The following NEB variants were observed in gnomAD, a reference collection of about 807,000 sequenced individuals.
NEB encodes the protein nemaline myopathy type 2.
NEB carries 512 observed loss-of-function variants against 952.2 expected under a neutral mutation model. The ratio of observed to expected loss-of-function variants is 0.54; its 90% CI spans 0.50 to 0.58. NEB has a LOEUF of 0.58. Ranked by LOEUF, NEB falls within the 20% of genes least tolerant of loss-of-function variation. NEB has a pLI of 0.00. For missense variants in NEB, 8,428 were observed against 9,231.1 expected (o/e 0.91, Z 3.56); for synonymous variants, 2,900 against 3,149.8 (o/e 0.92, Z 2.66).
rs2098909973 is a variant in NEB, at chr2:151,643,315, A to G, written c.7995T>C (p.Ile2665=). 6.2e-7 allele frequency: 1 copy of G among 1,613,798 alleles called. No homozygotes were observed. Among genetic ancestry groups the G allele is most frequent in the African/African-American group, 1.3e-5 (1 of 74,922 alleles). Residue 2665 remains isoleucine (I), a synonymous_variant, in exon 58 of 182, where the codon ATT becomes ATC. Coordinates refer to ENST00000397345, the MANE Select transcript of NEB (RefSeq NM_001164508.2). ...CGAGAGAACCACTAGTCATCCAGCCAATGCCTTTTAGCCACTGAAGGTCTG... is the reference window on the plus strand; with the variant it reads ...CGAGAGAACCACTAGTCATCCAGCCGATGCCTTTTAGCCACTGAAGGTCTG... ...YKSDLQWLKG[I]GWMTSGSLED...
At position 151,694,361 on chromosome 2, in the gene NEB, T is replaced by A; in HGVS notation, c.1858A>T (p.Met620Leu). 6.2e-7 allele frequency: 1 copy of A among 1,614,038 alleles called. No individual in the cohort carries two copies. The highest frequency in any genetic ancestry group is 8.5e-7 in the Non-Finnish European group (1 of 1,179,900). Residue 620 changes from methionine (M) to leucine (L), a missense_variant, in exon 20 of 182, where the codon ATG becomes TTG. Transcript: ENST00000397345. ...GVLSINDDPK[M>L]LHSLKVAKNQ... ...TTGGCCACCTTCAAGGAGTGCAGCA[T>A]CTTGGGATCGTCATTAATGCTGAGG...
chr2:151,579,080 CAAAAAA>C (rs1159995102), intron 105 of NEB, among the ~76,000 whole-genome samples: 14 of 31,688 alleles, frequency 4.4e-4, no homozygotes, highest in Non-Finnish European at 7.1e-4. Context: ...GACTCCATCT[CAAAAAA>C]AAAAAAAAAA....
intron 10 of NEB, among the ~76,000 whole-genome samples, chr2:151,715,560 G>A (rs1030154690): frequency 6.6e-6 from 1 of 152,210 alleles, no homozygotes; most frequent in Non-Finnish European, 1.5e-5. Flanking sequence ...ATAAGAAGAG[G>A]AAGAAGAGGA....
chr2:151,656,293 T>G lies in NEB; in HGVS notation c.6355A>C (p.Met2119Leu). Residue 2119 changes from methionine (M) to leucine (L), a missense_variant, in exon 49 of 182, where the codon ATG (methionine) becomes CTG (leucine). By Grantham distance (15) the Met-to-Leu change is conservative. Coordinates refer to ENST00000397345, the MANE Select transcript of NEB (RefSeq NM_001164508.2). ...TKTSYHTPAD[M>L]LSVTAAKDAQ... ...TCCTTTGCAGCCGTGACACTGAGCA[T>G]GTCGGCAGGGGTGTGGTAGCTGGTC... 6 of 1,613,730 alleles carry G rather than the reference T, an allele frequency of 3.7e-6. No individual in the cohort carries two copies. The highest frequency in any genetic ancestry group is 4.2e-6 in the Non-Finnish European group (5 of 1,179,736).
Position 151,506,972 on chromosome 2 carries a change from A to G in NEB, c.23493T>C (p.Ile7831=). The stretch of plus-strand genomic sequence containing the variant: ...TTTCTGGCGTGTCTTGAACAACTGT[A>G]ATTTTTCCTTTACTGTTTTTAAGGT... ...QCDLKNSKGK[I]TVVQDTPEIL... Residue 7831 remains isoleucine (I), a synonymous_variant, in exon 163 of 182, where the codon ATT becomes ATC. Transcript: ENST00000397345. The G allele has an allele frequency of 6.2e-7, 1 of 1,611,234 alleles. No homozygotes were observed. The highest frequency in any genetic ancestry group is 8.5e-7 in the Non-Finnish European group (1 of 1,178,196).
At position 151,656,159 on chromosome 2, in the gene NEB, C is replaced by T. The variant is rs747215131; in HGVS notation, c.6489G>A (p.Gln2163=). The change falls in exon 49 of 182, where the codon CAG becomes CAA. Residue 2163 remains glutamine, a synonymous_variant. Transcript: ENST00000397345. ...AAGTAGAAGAAAGCCTTACATCACT[C>T]TGTATGCGATTCATATTCCTGGTCA... ...IELTRNMNRI[Q]SDNEYKQDYN... 4 of 1,588,406 alleles carry T rather than the reference C, an allele frequency of 2.5e-6. No homozygotes were observed. The highest frequency in any genetic ancestry group is 2.6e-6 in the Non-Finnish European group (3 of 1,166,020).
At position 151,679,971 on chromosome 2, in the gene NEB, G is replaced by A. The variant is rs544334101; in HGVS notation, c.3094C>T (p.Pro1032Ser). 12 of 1,613,782 alleles carry A rather than the reference G, an allele frequency of 7.4e-6. No individual in the cohort carries two copies. The highest frequency in any genetic ancestry group is 1.1e-5 in the South Asian group (1 of 91,074). ...EEIIHKYNLPPDLPQFIQAKV... is the reference protein window; with the variant it reads ...EEIIHKYNLPSDLPQFIQAKV... ...GCCTGGATGAACTGGGGCAGGTCTGGTGGCAGGTTGTATTTGTGAATAATT... is the reference window on the plus strand; with the variant it reads ...GCCTGGATGAACTGGGGCAGGTCTGATGGCAGGTTGTATTTGTGAATAATT... The change falls in exon 31 of 182, where the codon CCA becomes TCA. Residue 1032 changes from proline (P) to serine (S), a missense_variant. By Grantham distance (74) the Pro-to-Ser change is moderately conservative (BLOSUM62 -1). Coordinates refer to ENST00000397345, the MANE Select transcript of NEB (RefSeq NM_001164508.2).
At chr2:151,634,725 TTTA>T (rs373866669) in intron 64 of NEB, among the ~76,000 whole-genome samples, 3 of 151,796 alleles carry the variant, frequency 2.0e-5, no homozygotes, top group Non-Finnish European at 4.4e-5. Context: ...CCGAGGAGAA[TTTA>T]TTATTATTAT....
intron 18 of NEB, 120 bp from the exon 19 acceptor site, chr2:151,694,749 T>C (rs1471930034): frequency 5.3e-6 from 4 of 755,014 alleles, no homozygotes; most frequent in Non-Finnish European, 8.6e-6. Flanking sequence ...CTTTTTATTG[T>C]CTAGGAAATC....
chr2:151,640,358 G>A lies in NEB; in HGVS notation c.8682C>T (p.Ser2894=), dbSNP rs373799650. Residue 2894 remains serine (S), a synonymous_variant, in exon 61 of 182, where the codon AGC becomes AGT. Transcript: ENST00000397345. ...IHARQAYDLQ[S]DNMYKSDLQW... is the part of the protein sequence containing the mutation. ...TATTATGACTCTCAGTACTCACATCGCTCTGGAGGTCATAGGCCTGCCGAG... is the reference window on the plus strand; with the variant it reads ...TATTATGACTCTCAGTACTCACATCACTCTGGAGGTCATAGGCCTGCCGAG... 1.3e-5 allele frequency: 21 copies of A among 1,613,228 alleles called. No individual in the cohort carries two copies. The highest frequency in any genetic ancestry group is 2.7e-5 in the African/African-American group (2 of 74,972).
At chr2:151,712,785 G>T (rs900342721) in intron 10 of NEB, among the ~76,000 whole-genome samples, 2 of 152,102 alleles carry the variant, frequency 1.3e-5, no homozygotes, top group African/African-American at 4.8e-5. Context: ...GTCCCACTCT[G>T]CAAGTCTGAG....
rs2098955228 is a variant in NEB, at chr2:151,646,229, A to C, written c.7437T>G (p.Leu2479=). 9 of 1,577,372 alleles carry C rather than the reference A, an allele frequency of 5.7e-6. No homozygotes were observed. Among genetic ancestry groups the C allele is most frequent in the Non-Finnish European group, 7.8e-6 (9 of 1,158,344 alleles). ...KTNAKNRSDR[L]YREAWDKDKT... is the part of the protein sequence containing the mutation. The stretch of plus-strand genomic sequence containing the variant: ...TGTCTTTGTCCCAAGCTTCTCTATA[A>C]AGTCTCTAAAATAAGAAATAATAAT... Residue 2479 remains leucine (L), a synonymous_variant, in exon 55 of 182, where the codon CTT becomes CTG. Transcript: ENST00000397345.
chr2:151,492,301 CT>C lies in NEB; in HGVS notation c.24874-21del. ...TTTCACCTGAAATGTCATGAATTTG[CT>C]TTATGAAAATATGATGGTGTGACTA... On this transcript the variant is annotated intron_variant, in intron 177 of 181. Coordinates refer to ENST00000397345, the MANE Select transcript of NEB (RefSeq NM_001164508.2). 6.2e-7 allele frequency: 1 copy of C among 1,604,998 alleles called. No individual in the cohort carries two copies. The highest frequency in any genetic ancestry group is 8.5e-7 in the Non-Finnish European group (1 of 1,174,238).
chr2:151,673,472 A>G (rs2099325275), intron 36 of NEB, among the ~76,000 whole-genome samples: 2 of 151,862 alleles, frequency 1.3e-5, no homozygotes, highest in East Asian at 1.9e-4. Flanking sequence ...ATAAAGTTAT[A>G]CTGTAGACTT....
chr2:151,624,060 G>A (rs1002570129), intron 71 of NEB, among the ~76,000 whole-genome samples: 1 of 152,172 alleles, frequency 6.6e-6, no homozygotes, highest in Admixed American at 6.5e-5. Context: ...TTTATGCAAT[G>A]AAGGAACCAC....
intron 58 of NEB, 42 bp downstream of exon 58, chr2:151,643,108 C>CA (rs751677850): frequency 7.7e-6 from 12 of 1,559,308 alleles, no homozygotes; most frequent in African/African-American, 1.4e-5. Context: ...TTTCCATAAA[C>CA]AAAAAAAATT....
chr2:151,659,813 G>T (rs565486015), intron 46 of NEB, among the ~76,000 whole-genome samples: 16 of 152,132 alleles, frequency 1.1e-4, no homozygotes, highest in Non-Finnish European at 1.9e-4. Context: ...AATAATATAG[G>T]TTAGACATAT....
intron 146 of NEB, 120 bp from the exon 147 acceptor site, chr2:151,527,705 G>T: frequency 1.4e-6 from 1 of 693,890 alleles, no homozygotes; most frequent in Non-Finnish European, 2.4e-6. Flanking sequence ...CCTAATGCAA[G>T]AGGAAGCCCC....
intron 57 of NEB, 67 bp downstream of exon 57, chr2:151,643,751 A>G (rs756909344): frequency 9.5e-6 from 15 of 1,573,440 alleles, no homozygotes; most frequent in South Asian, 2.4e-5. Context: ...TCTGCTCACT[A>G]TGGGACTCTG....
Sources: allele counts gnomAD v4.1 joint callset (sites outside exome capture counted in the v4.1 genomes callset), GRCh38; gene constraint gnomAD v4.1.1; transcripts MANE v1.5; gene names NCBI Gene and HGNC (gene_info 2026-07-23, HGNC 2026-07-21).